Variants in CNTN5 observed in about 807,000 individuals in gnomAD.
The protein encoded by CNTN5 is contactin-5.
A neutral mutation model predicts 129.1 loss-of-function variants in CNTN5; 77 were observed. The observed-to-expected ratio is 0.60, with a 90% confidence interval of 0.50 to 0.72. The LOEUF (loss-of-function observed/expected upper bound fraction) is 0.72, where lower values mean the gene tolerates loss of function less well. Among genes scored for constraint, CNTN5 ranks in the 30% least tolerant of loss-of-function variants. The pLI, the probability that CNTN5 is intolerant of heterozygous loss-of-function variation, is 0.00. For missense variants in CNTN5, 1,478 were observed against 1,328.8 expected (o/e 1.11, Z -1.75); for synonymous variants, 509 against 465.6 (o/e 1.09, Z -1.20).
intron 7 of CNTN5, among the ~76,000 whole-genome samples, chr11:99,947,885 G>GC (rs1324985613): frequency 1.3e-5 from 2 of 148,562 alleles, no homozygotes. Context: ...GTGAAAAAAT[G>GC]TTGAGTGTTT....
chr11:99,917,776 A>G (rs1949831409), intron 7 of CNTN5, among the ~76,000 whole-genome samples: 4 of 152,194 alleles, frequency 2.6e-5, no homozygotes, highest in African/African-American at 7.2e-5. Flanking sequence ...AGAAAACTGT[A>G]TACAGATTTC....
intron 13 of CNTN5, among the ~76,000 whole-genome samples, chr11:100,092,634 T>G (rs114936699): frequency 2.3e-4 from 35 of 152,292 alleles, no homozygotes; most frequent in African/African-American, 8.2e-4. Flanking sequence ...AAGATTGTTT[T>G]AAAAATTTAG....
intron 1 of CNTN5, among the ~76,000 whole-genome samples, chr11:99,026,315 A>T (rs561848803): frequency 7.2e-5 from 11 of 151,790 alleles, no homozygotes; most frequent in African/African-American, 2.6e-4. Flanking sequence ...TTTCTAAAAG[A>T]TATAGACTGG....
chr11:100,037,738 T>A (rs1164346032), intron 9 of CNTN5, among the ~76,000 whole-genome samples: 2 of 152,224 alleles, frequency 1.3e-5, no homozygotes, highest in Non-Finnish European at 2.9e-5. Flanking sequence ...TCTTCTAGAT[T>A]TTCTAGTTTA....
chr11:99,994,840 G>T (rs1939341660), intron 8 of CNTN5, among the ~76,000 whole-genome samples: 1 of 152,136 alleles, frequency 6.6e-6, no homozygotes, highest in African/African-American at 2.4e-5. Context: ...GAGTTTATAG[G>T]TATCACCAGC....
At chr11:99,205,693 A>G (rs1455960744) in intron 1 of CNTN5, among the ~76,000 whole-genome samples, 1 of 152,106 alleles carries the variant, frequency 6.6e-6, no homozygotes, top group East Asian at 1.9e-4. Context: ...CAAAAGGGTA[A>G]CTATGTGAAG....
chr11:99,853,565 A>G (rs778456844), intron 6 of CNTN5, among the ~76,000 whole-genome samples: 40 of 152,060 alleles, frequency 2.6e-4, no homozygotes, highest in Non-Finnish European at 5.4e-4. Context: ...ATGCCTGGCT[A>G]ATTTTTTGTA....
At chr11:100,169,027 G>T (rs567977588) in intron 13 of CNTN5, among the ~76,000 whole-genome samples, 1 of 152,006 alleles carries the variant, frequency 6.6e-6, no homozygotes, top group South Asian at 2.1e-4. Context: ...GGAGACTGAT[G>T]GTGTGACTGA....
intron 6 of CNTN5, among the ~76,000 whole-genome samples, chr11:99,877,877 C>T (rs1221866364): frequency 6.6e-6 from 1 of 152,152 alleles, no homozygotes; most frequent in African/African-American, 2.4e-5. Flanking sequence ...TCACCATTCA[C>T]TATCAAAAGT....
intron 6 of CNTN5, among the ~76,000 whole-genome samples, chr11:99,894,817 T>A (rs1949162183): frequency 6.6e-6 from 1 of 152,136 alleles, no homozygotes; most frequent in Non-Finnish European, 1.5e-5. Flanking sequence ...GTTACGTGGT[T>A]TTGGATTTAG....
Position 99,913,998 on chromosome 11 carries a change from C to T in CNTN5, c.578-2056C>T, listed in dbSNP as rs144488992. On this transcript the variant is annotated intron_variant, in intron 6 of 24. Transcript: ENST00000524871. ...AGCATGGTGGCTTTCCCCTATAATC[C>T]CAGTACTTTGGGAAACAGAGGCCAG... Among the ~76,000 whole-genome samples, 8 of 152,104 alleles carry T rather than the reference C, an allele frequency of 5.3e-5. No individual in the cohort carries two copies. In the East Asian group the frequency reaches 1.2e-3, roughly 22 times the overall value.
chr11:99,688,162 G>A (rs1953874786), intron 3 of CNTN5, among the ~76,000 whole-genome samples: 1 of 152,144 alleles, frequency 6.6e-6, no homozygotes, highest in East Asian at 1.9e-4. Flanking sequence ...AGGAAACAGA[G>A]TAGTCATATA....
chr11:99,339,199 A>T, intron 2 of CNTN5, among the ~76,000 whole-genome samples: 1 of 3,518 alleles, frequency 2.8e-4, no homozygotes, highest in South Asian at 0.17. Flanking sequence ...AAACATTAAA[A>T]TAAAAAAACT....
At chr11:100,038,434 T>A (rs1942163989) in intron 9 of CNTN5, among the ~76,000 whole-genome samples, 1 of 152,210 alleles carries the variant, frequency 6.6e-6, no homozygotes, top group African/African-American at 2.4e-5. Context: ...TTGAAAAGAA[T>A]GTATATTCTG....
intron 3 of CNTN5, among the ~76,000 whole-genome samples, chr11:99,613,722 C>G (rs1432699110): frequency 6.6e-6 from 1 of 152,068 alleles, no homozygotes; most frequent in Non-Finnish European, 1.5e-5. Flanking sequence ...AATAATGATT[C>G]ACCATTTTTA....
In CNTN5 at chr11:99,152,060, T is replaced by C. The variant is rs576019112; in HGVS notation, c.-210+130790T>C. ...TGAAAAAGTAGTAGGAATATTGATA[T>C]TGGAGAAATAATGACAGCTCAACTT... On this transcript the variant is annotated intron_variant, in intron 1 of 24. Transcript: ENST00000524871. Among the ~76,000 whole-genome samples, 44 of 152,284 alleles carry C rather than the reference T, an allele frequency of 2.9e-4. No individual in the cohort carries two copies. In the South Asian group the frequency reaches 8.1e-3, roughly 28 times the overall value.
At chr11:99,348,229 C>T (rs931719319) in intron 2 of CNTN5, among the ~76,000 whole-genome samples, 1 of 152,096 alleles carries the variant, frequency 6.6e-6, no homozygotes, top group African/African-American at 2.4e-5. Context: ...GTTCCAGCTA[C>T]TTGGGAGGCT....
intron 3 of CNTN5, among the ~76,000 whole-genome samples, chr11:99,727,914 A>C (rs77875345): frequency 8.7e-5 from 2 of 23,066 alleles, no homozygotes; most frequent in Admixed American, 7.9e-4. Context: ...ATTTTACATA[A>C]AAAAAATTGA....
chr11:99,362,701 C>T (rs536355407), intron 2 of CNTN5, among the ~76,000 whole-genome samples: 2 of 151,010 alleles, frequency 1.3e-5, no homozygotes, highest in Non-Finnish European at 1.5e-5. Context: ...TTTTTGCATA[C>T]GATATAAAGT....
Sources: allele counts gnomAD v4.1 joint callset (sites outside exome capture counted in the v4.1 genomes callset), GRCh38; gene constraint gnomAD v4.1.1; transcripts MANE v1.5; gene names NCBI Gene and HGNC (gene_info 2026-07-23, HGNC 2026-07-21).